Variants in OIP5 observed in about 807,000 individuals in gnomAD.
OIP5 encodes the protein Opa interacting protein 5.
Under a neutral mutation model 20.3 loss-of-function variants are expected in OIP5, and 24 were observed. The observed-to-expected ratio is 1.18, with a 90% CI of 0.86 to 1.66. The LOEUF (loss-of-function observed/expected upper bound fraction) is 1.66. Ranked by LOEUF, OIP5 falls within the 40% of genes most tolerant of loss-of-function variation. The probability of loss-of-function intolerance (pLI) is 0.00; values close to 1 mark genes in which losing one functional copy is unlikely to be tolerated. For synonymous variants in OIP5, 143 were observed against 121.3 expected (o/e 1.18, Z -1.17); for missense variants, 339 against 289.5 (o/e 1.17, Z -1.24).
intron 3 of OIP5, 75 bp from the exon 4 acceptor site, chr15:41,313,429 A>G: frequency 7.3e-6 from 6 of 818,422 alleles, no homozygotes; most frequent in Non-Finnish European, 1.2e-5. Flanking sequence ...TACCTTCTAA[A>G]GAAAGTATGT....
Position 41,332,289 on chromosome 15 carries a change from C to A in OIP5, c.273G>T (p.Val91=). ...ACCGCGACAGGTCCCAGGCGAGGTGCACCGAGTCGGCGAGCACTGCGTGAC... is the reference window on the plus strand; with the variant it reads ...ACCGCGACAGGTCCCAGGCGAGGTGAACCGAGTCGGCGAGCACTGCGTGAC... ...AQCHAVLADS[V]HLAWDLSRSL... is the part of the protein sequence containing the mutation. The change falls in exon 1 of 5, where the codon GTG becomes GTT. Residue 91 remains valine (V), a synonymous_variant. Coordinates refer to ENST00000220514, the MANE Select transcript of OIP5 (RefSeq NM_007280.2). 1 of 1,577,966 alleles carries A rather than the reference C, an allele frequency of 6.3e-7. No individual in the cohort carries two copies. The highest frequency in any genetic ancestry group is 8.6e-7 in the Non-Finnish European group (1 of 1,161,912).
chr15:41,312,605 GC>G (rs375263083), intron 4 of OIP5, among the ~76,000 whole-genome samples: 7 of 146,924 alleles, frequency 4.8e-5, no homozygotes, highest in Admixed American at 1.4e-4. Flanking sequence ...GATTACAGGC[GC>G]CCACCACCAT....
chr15:41,325,320 G>T (rs1478939006), intron 2 of OIP5, among the ~76,000 whole-genome samples: 1 of 151,756 alleles, frequency 6.6e-6, no homozygotes, highest in Non-Finnish European at 1.5e-5. Flanking sequence ...GCAGGAGAAT[G>T]GTGTGAACCC....
intron 3 of OIP5, among the ~76,000 whole-genome samples, chr15:41,315,304 C>A (rs2047783026): frequency 6.6e-6 from 1 of 151,622 alleles, no homozygotes. Flanking sequence ...GTGGAGCGCA[C>A]CTGTGGTCCC....
intron 3 of OIP5, 73 bp from the exon 4 acceptor site, chr15:41,313,427 A>G: frequency 1.2e-6 from 1 of 840,268 alleles, no homozygotes; most frequent in Non-Finnish European, 1.9e-6. Flanking sequence ...CTTACCTTCT[A>G]AAGAAAGTAT....
At chr15:41,321,292 AG>A (rs1244668291) in intron 2 of OIP5, among the ~76,000 whole-genome samples, 1 of 142,850 alleles carries the variant, frequency 7.0e-6, no homozygotes, top group Admixed American at 6.9e-5. Flanking sequence ...CCCGTCCTGG[AG>A]GGAGGTGGGG....
chr15:41,320,066 GCTAAC>G lies in OIP5; in HGVS notation c.390-291_390-287del, dbSNP rs1366667265. 3.3e-5 allele frequency among the ~76,000 whole-genome samples: 5 copies of G among 152,144 alleles called. No homozygotes were observed. In the East Asian group the frequency reaches 9.6e-4, roughly 29 times the overall value. ...TTTACCCCTAATAAACACAAAAAGA[GCTAAC>G]TAATCTGATTAACATTTAAACATTT... is the stretch of plus-strand genomic sequence containing the variant. On this transcript the variant is annotated intron_variant, in intron 2 of 4. Transcript: ENST00000220514.
intron 3 of OIP5, among the ~76,000 whole-genome samples, chr15:41,318,652 G>A (rs2047803353): frequency 6.6e-6 from 1 of 151,522 alleles, no homozygotes; most frequent in Admixed American, 6.6e-5. Context: ...TGACTTTTAA[G>A]ATATGGTATG....
intron 2 of OIP5, among the ~76,000 whole-genome samples, chr15:41,320,189 T>G (rs1186767483): frequency 2.6e-5 from 4 of 152,172 alleles, no homozygotes; most frequent in Non-Finnish European, 1.5e-5. Flanking sequence ...AAACAAATTG[T>G]TCATAGAACT....
chr15:41,309,890 ATT>A (rs1307400512), intron 4 of OIP5, 41 bp from the exon 5 acceptor site: 3 of 1,376,476 alleles, frequency 2.2e-6, no homozygotes, highest in Non-Finnish European at 2.0e-6. Flanking sequence ...ATCTTTTTTT[ATT>A]TTTACTTATT....
At chr15:41,313,084 C>G (rs1258455277) in intron 4 of OIP5, among the ~76,000 whole-genome samples, 189 bp downstream of exon 4, 2 of 152,196 alleles carry the variant, frequency 1.3e-5, no homozygotes, top group Non-Finnish European at 2.9e-5. Flanking sequence ...CTTTTCCTTT[C>G]TTCCTGAACT....
Position 41,332,522 on chromosome 15 carries a change from T to G in OIP5, c.40A>C (p.Thr14Pro), listed in dbSNP as rs532029473. The G allele has an allele frequency of 1.9e-6, 3 of 1,612,584 alleles. No homozygotes were observed. In the South Asian group the frequency reaches 3.3e-5, roughly 18 times the overall value. ...CCACAAAAGTCCCCCCGGGGCGGCGTTGCACAACGTGAGCGATGCCGCAGC... is the reference window on the plus strand; with the variant it reads ...CCACAAAAGTCCCCCCGGGGCGGCGGTGCACAACGTGAGCGATGCCGCAGC... ...QPLRHRSRCA[T>P]PPRGDFCGGT... Residue 14 changes from threonine to proline, a missense_variant, in exon 1 of 5, where the codon ACG (threonine) becomes CCG (proline). Coordinates refer to ENST00000220514, the MANE Select transcript of OIP5 (RefSeq NM_007280.2).
chr15:41,310,628 C>CAAAA (rs1240547687), intron 4 of OIP5, among the ~76,000 whole-genome samples: 1 of 60,406 alleles, frequency 1.7e-5, no homozygotes, highest in Non-Finnish European at 3.7e-5. Flanking sequence ...GACTCCGTCT[C>CAAAA]AAAAAAAAAA....
intron 2 of OIP5, among the ~76,000 whole-genome samples, chr15:41,328,395 C>A (rs2047875902): frequency 6.6e-6 from 1 of 152,098 alleles, no homozygotes; most frequent in African/African-American, 2.4e-5. Context: ...GACAGAGGTT[C>A]ATTATATTCT....
chr15:41,311,892 ACACAGAGTTTCGCTCTCAATGGCAAGC>A (rs2047757026), intron 4 of OIP5, among the ~76,000 whole-genome samples: 5 of 100,594 alleles, frequency 5.0e-5, no homozygotes, highest in Admixed American at 1.0e-4. Flanking sequence ...TTTTTTTTCC[ACACAGAGTTTCGCTCTCAATGGCAAGC>A]TCTCGGCTCA....
At chr15:41,312,774 A>C (rs2047765987) in intron 4 of OIP5, among the ~76,000 whole-genome samples, 1 of 151,740 alleles carries the variant, frequency 6.6e-6, no homozygotes, top group African/African-American at 2.4e-5. Flanking sequence ...GACTACAGGC[A>C]CGTGCCACCA....
rs781322274 is a variant in OIP5 at position 41,332,554 on chromosome 15, G to A, written c.8C>T (p.Ala3Val). 3.7e-6 allele frequency: 6 copies of A among 1,601,324 alleles called. No individual in the cohort carries two copies. The highest frequency in any genetic ancestry group is 2.7e-5 in the African/African-American group (2 of 73,620). ...ACGTGAGCGATGCCGCAGCGGCTGAGCCGCCATCTTCCCGCAGCCGGCGCC... is the reference window on the plus strand; with the variant it reads ...ACGTGAGCGATGCCGCAGCGGCTGAACCGCCATCTTCCCGCAGCCGGCGCC... MA[A>V]QPLRHRSRCA... Residue 3 changes from alanine (A) to valine (V), a missense_variant, in exon 1 of 5, where the codon GCT becomes GTT. By Grantham distance (64) the Ala-to-Val change is moderately conservative. Coordinates refer to ENST00000220514, the MANE Select transcript of OIP5 (RefSeq NM_007280.2).
Position 41,332,336 on chromosome 15 carries a change from C to A in OIP5, c.226G>T (p.Ala76Ser). ...TGACACTGTGCGCACTGGAACACAG[C>A]GCACCTCTCAGGCTGCAGCCAAGAC... is the stretch of plus-strand genomic sequence containing the variant. ...LPSWLQPERC[A>S]VFQCAQCHAV... The change falls in exon 1 of 5, where the codon GCT becomes TCT. Residue 76 changes from alanine to serine, a missense_variant. Ala to Ser is a moderately conservative substitution (Grantham distance 99). Coordinates refer to ENST00000220514, the MANE Select transcript of OIP5 (RefSeq NM_007280.2). 1 of 1,611,818 alleles carries A rather than the reference C, an allele frequency of 6.2e-7. No homozygotes were observed. The highest frequency in any genetic ancestry group is 8.5e-7 in the Non-Finnish European group (1 of 1,178,862).
intron 3 of OIP5, among the ~76,000 whole-genome samples, chr15:41,315,992 G>T (rs1030558613): frequency 2.0e-5 from 3 of 152,108 alleles, no homozygotes; most frequent in African/African-American, 7.2e-5. Flanking sequence ...GCCAGACATG[G>T]TGGCGGGCGC....
Sources: allele counts gnomAD v4.1 joint callset (sites outside exome capture counted in the v4.1 genomes callset), GRCh38; gene constraint gnomAD v4.1.1; transcripts MANE v1.5; gene names NCBI Gene and HGNC (gene_info 2026-07-23, HGNC 2026-07-21).